The following TPRG1 variants were observed in gnomAD, a reference collection of about 807,000 sequenced individuals.
TPRG1 encodes the protein tumor protein p63-regulated gene 1 protein.
TPRG1 carries 29 observed loss-of-function variants against 29.3 expected under a neutral mutation model. The ratio of observed to expected loss-of-function variants is 0.99; its 90% CI spans 0.74 to 1.35. TPRG1 has a LOEUF of 1.35. TPRG1 is among the 40% of genes most tolerant of loss of function. The pLI, the probability that TPRG1 is intolerant of heterozygous loss-of-function variation, is 0.00. For synonymous variants in TPRG1, 130 were observed against 116.8 expected, an observed-to-expected ratio of 1.11 and a Z score of -0.73; for missense variants, 327 against 335.0, an observed-to-expected ratio of 0.98 and a Z score of 0.19.
chr3:189,022,927 T>TGGTGTG (rs1713432486), intron 3 of TPRG1, among the ~76,000 whole-genome samples: 1 of 152,194 alleles, frequency 6.6e-6, no homozygotes, highest in Admixed American at 6.5e-5. Context: ...TATAATCTCA[T>TGGTGTG]GGTGCGCAGT....
intron 4 of TPRG1, among the ~76,000 whole-genome samples, chr3:189,265,744 G>A (rs1429522332): frequency 1.3e-5 from 2 of 152,186 alleles, no homozygotes; most frequent in Non-Finnish European, 2.9e-5. Context: ...TCATGTGGAT[G>A]TAATACTACA....
At chr3:189,315,035 A>G (rs536371277) in intron 5 of TPRG1, among the ~76,000 whole-genome samples, 16 of 152,290 alleles carry the variant, frequency 1.1e-4, no homozygotes, top group Admixed American at 5.9e-4. Flanking sequence ...AATCCCAGCT[A>G]CTTGGAAGGC....
At chr3:189,226,797 C>CAAAAAAAAAAAAA (rs1175619202) in intron 3 of TPRG1, among the ~76,000 whole-genome samples, 3 of 81,764 alleles carry the variant, frequency 3.7e-5, no homozygotes, top group Non-Finnish European at 5.3e-5. Context: ...GCAAGGCTGA[C>CAAAAAAAAAAAAA]AAAAAAAAAA....
At chr3:189,033,422 C>T (rs1287262255) in intron 4 of TPRG1, among the ~76,000 whole-genome samples, 1 of 152,032 alleles carries the variant, frequency 6.6e-6, no homozygotes, top group Non-Finnish European at 1.5e-5. Context: ...CCTGGGACAA[C>T]AGGTACGTGC....
intron 4 of TPRG1, among the ~76,000 whole-genome samples, chr3:189,074,239 T>A (rs1440190176): frequency 7.1e-6 from 1 of 140,516 alleles, no homozygotes; most frequent in South Asian, 2.4e-4. Flanking sequence ...GGAGTCTCGC[T>A]CTGTCACCCA....
intron 5 of TPRG1, among the ~76,000 whole-genome samples, chr3:189,159,743 G>T (rs1197028256): frequency 6.6e-6 from 1 of 151,980 alleles, no homozygotes; most frequent in African/African-American, 2.4e-5. Context: ...ATGAGAAATT[G>T]GGCACCTGTT....
At chr3:189,065,328 A>G (rs1389636368) in intron 4 of TPRG1, among the ~76,000 whole-genome samples, 2 of 152,328 alleles carry the variant, frequency 1.3e-5, no homozygotes, top group Non-Finnish European at 2.9e-5. Context: ...TTATGAGACC[A>G]GTAGTACTCT....
intron 1 of TPRG1, among the ~76,000 whole-genome samples, chr3:189,194,614 G>A (rs1468172015): frequency 6.6e-6 from 1 of 152,184 alleles, no homozygotes; most frequent in African/African-American, 2.4e-5. Context: ...GGAGCTCAGA[G>A]TACTGGCACA....
chr3:189,056,888 T>C (rs1470137883), intron 4 of TPRG1, among the ~76,000 whole-genome samples: 1 of 152,200 alleles, frequency 6.6e-6, no homozygotes, highest in African/African-American at 2.4e-5. Flanking sequence ...GCCTCAGTAC[T>C]ATGTCACGAT....
intron 2 of TPRG1, 91 bp downstream of exon 2, chr3:189,207,685 C>T (rs1578827482): frequency 8.2e-7 from 1 of 1,214,568 alleles, no homozygotes; most frequent in South Asian, 1.3e-5. Flanking sequence ...ACTGAGTGTA[C>T]TCACATTTGT....
At chr3:189,138,399 C>A (rs1044909251) in intron 3 of TPRG1, among the ~76,000 whole-genome samples, 2 of 151,622 alleles carry the variant, frequency 1.3e-5, no homozygotes, top group Non-Finnish European at 2.9e-5. Context: ...AACCAACCAA[C>A]AAATACCAGC....
intron 2 of TPRG1, among the ~76,000 whole-genome samples, chr3:189,002,879 A>AT (rs760284198): frequency 4.6e-5 from 7 of 152,036 alleles, no homozygotes; most frequent in African/African-American, 9.7e-5. Context: ...CACCTTACTT[A>AT]TTTTTTAAGC....
intron 4 of TPRG1, among the ~76,000 whole-genome samples, chr3:189,068,813 AG>A (rs911895185): frequency 6.8e-6 from 1 of 146,830 alleles, no homozygotes; most frequent in African/African-American, 2.5e-5. Flanking sequence ...GGAGGGAGGG[AG>A]GAGGGAGGAG....
intron 3 of TPRG1, among the ~76,000 whole-genome samples, chr3:189,221,198 A>G (rs1578888662): frequency 1.3e-5 from 2 of 152,236 alleles, no homozygotes; most frequent in East Asian, 1.9e-4. Flanking sequence ...TAATATTTCT[A>G]TAGCACTTTA....
chr3:189,193,508 A>G lies in TPRG1; in HGVS notation c.-9-13868A>G, dbSNP rs77790951. On this transcript the variant is annotated intron_variant, in intron 1 of 5. Transcript: ENST00000345063. Reference sequence around the variant, plus strand: ...ATTTTATTAGATAGGTTTTCCATACACTTTCCCTTCTCTTTTCTTTCTGGA... The same window carrying G: ...ATTTTATTAGATAGGTTTTCCATACGCTTTCCCTTCTCTTTTCTTTCTGGA... 6.0e-3 allele frequency among the ~76,000 whole-genome samples: 906 copies of G among 151,924 alleles called. 12 individuals are homozygous for G. Among genetic ancestry groups the G allele is most frequent in the African/African-American group, 0.021 (875 of 41,420 alleles).
At chr3:189,091,420 G>T (rs886273216) in intron 4 of TPRG1, among the ~76,000 whole-genome samples, 14 of 151,994 alleles carry the variant, frequency 9.2e-5, no homozygotes, top group Admixed American at 5.2e-4. Flanking sequence ...TGAGATATAG[G>T]ACATTTCCAT....
chr3:189,288,243 T>TA (rs558525848), intron 4 of TPRG1, among the ~76,000 whole-genome samples: 5 of 151,984 alleles, frequency 3.3e-5, no homozygotes, highest in Non-Finnish European at 4.4e-5. Context: ...ACATTGTATG[T>TA]AAAAAAAAGA....
At chr3:189,159,445 G>T (rs903876722) in intron 5 of TPRG1, among the ~76,000 whole-genome samples, 1 of 152,108 alleles carries the variant, frequency 6.6e-6, no homozygotes, top group Non-Finnish European at 1.5e-5. Context: ...GAATTGAGGC[G>T]AAAGTGAGAG....
chr3:189,147,283 A>G (rs1209614471), intron 3 of TPRG1, among the ~76,000 whole-genome samples: 1 of 152,202 alleles, frequency 6.6e-6, no homozygotes, highest in Non-Finnish European at 1.5e-5. Flanking sequence ...TCGGCCTCAC[A>G]TTCTAATATA....
Sources: allele counts gnomAD v4.1 joint callset (sites outside exome capture counted in the v4.1 genomes callset), GRCh38; gene constraint gnomAD v4.1.1; transcripts MANE v1.5; gene names NCBI Gene and HGNC (gene_info 2026-07-23, HGNC 2026-07-21).